Variants in MCF2L2 observed in about 807,000 individuals in gnomAD.
MCF2L2 encodes the protein MCF.2 cell line derived transforming sequence-like 2, also known as probable guanine nucleotide exchange factor MCF2L2.
Under a neutral mutation model 150.2 loss-of-function variants are expected in MCF2L2, and 102 were observed. That is an observed-to-expected ratio of 0.68 (90% CI 0.58 to 0.80). The LOEUF (loss-of-function observed/expected upper bound fraction) is 0.80. Ranked by LOEUF, MCF2L2 falls within the 30% of genes least tolerant of loss-of-function variation. The pLI, the probability that MCF2L2 is intolerant of heterozygous loss-of-function variation, is 0.00. For missense variants in MCF2L2, 1,256 were observed against 1,372.8 expected, an observed-to-expected ratio of 0.91 and a Z score of 1.34; for synonymous variants, 465 against 491.3, an observed-to-expected ratio of 0.95 and a Z score of 0.71.
In MCF2L2 at chr3:183,297,167, C is replaced by A. The variant is rs1414556303; in HGVS notation, c.1306G>T (p.Val436Phe). The A allele has an allele frequency of 1.9e-6, 3 of 1,613,476 alleles. No homozygotes were observed. Among genetic ancestry groups the A allele is most frequent in the East Asian group, 2.2e-5 (1 of 44,874 alleles). ...ATTCCTGCCTCACACCATTGGCTGA[C>A]CTTTTGGAAAGAAACAGTGCCCTGT... ...SLEFHRQLDK[V>F]SQWCEAGIYL... The change falls in exon 12 of 30, where the codon GTC becomes TTC. Residue 436 changes from valine to phenylalanine, a missense_variant and splice_region_variant. Transcript: ENST00000328913.
intron 14 of MCF2L2, among the ~76,000 whole-genome samples, chr3:183,278,195 T>A (rs185287244): frequency 0.011 from 1,500 of 134,308 alleles, 16 homozygotes; most frequent in African/African-American, 0.028. Flanking sequence ...AAAGAAAAAA[T>A]ATATATATAT....
chr3:183,242,346 C>T (rs986420522), intron 15 of MCF2L2, among the ~76,000 whole-genome samples: 1 of 152,182 alleles, frequency 6.6e-6, no homozygotes, highest in Admixed American at 6.5e-5. Flanking sequence ...TGTCAAGGAC[C>T]TTTGTGGCAA....
chr3:183,201,581 T>C lies in MCF2L2; in HGVS notation c.2884+4295A>G, dbSNP rs112099071. On this transcript the variant is annotated intron_variant, in intron 25 of 29. Transcript: ENST00000328913. ...ATCATGTCATCTGCAATTTGACAAT[T>C]TGACTTTCTCTTTTCCTAATTCAAT... Among the ~76,000 whole-genome samples the C allele has an allele frequency of 6.8e-3, 1,038 of 152,318 alleles. 12 individuals are homozygous for C. Among genetic ancestry groups the C allele is most frequent in the African/African-American group, 0.024 (985 of 41,570 alleles).
intron 3 of MCF2L2, among the ~76,000 whole-genome samples, chr3:183,355,771 C>T (rs1360932770): frequency 1.3e-5 from 2 of 151,872 alleles, no homozygotes; most frequent in Admixed American, 1.3e-4. Context: ...CGGCCATCAA[C>T]AATGCTTTTC....
chr3:183,414,493 T>C (rs1458665885), intron 1 of MCF2L2, among the ~76,000 whole-genome samples: 1 of 152,202 alleles, frequency 6.6e-6, no homozygotes, highest in Non-Finnish European at 1.5e-5. Context: ...TAAAGGTTAA[T>C]TTTTTCAATT....
intron 22 of MCF2L2, among the ~76,000 whole-genome samples, chr3:183,212,956 T>TGGGGGGGGG (rs1173392435): frequency 7.7e-4 from 3 of 3,874 alleles, no homozygotes; most frequent in Admixed American, 2.6e-3. Flanking sequence ...TGTGGGGGGG[T>TGGGGGGGGG]GGGGGGGGTG....
intron 15 of MCF2L2, among the ~76,000 whole-genome samples, chr3:183,258,682 T>C (rs1341985999): frequency 1.3e-5 from 2 of 152,124 alleles, no homozygotes; most frequent in Non-Finnish European, 1.5e-5. Context: ...AAGTCCCTTA[T>C]ATAAAATGGT....
intron 27 of MCF2L2, chr3:183,192,719 A>C (rs1721941415): frequency 2.9e-6 from 1 of 350,448 alleles, no homozygotes; most frequent in East Asian, 4.8e-5. Flanking sequence ...CAGTTGACTA[A>C]GAGTAACTAA....
intron 5 of MCF2L2, among the ~76,000 whole-genome samples, chr3:183,337,568 A>AG (rs1553783550): frequency 1.5e-4 from 23 of 151,066 alleles, no homozygotes; most frequent in African/African-American, 3.4e-4. Context: ...AAAAAAAAAA[A>AG]AAGAAGAAAA....
rs1560034915 is a variant in MCF2L2 at position 183,351,215 on chromosome 3, TA to T, written c.276-9586del. ...GTATATATATATATATATATATATA[TA>T]TATATATATATATATATATATTTAT... On this transcript the variant is annotated intron_variant, in intron 3 of 29. Coordinates refer to ENST00000328913, the MANE Select transcript of MCF2L2 (RefSeq NM_015078.4). 7.6e-3 allele frequency among the ~76,000 whole-genome samples: 683 copies of T among 90,426 alleles called. 17 individuals carry two copies. The highest frequency in any genetic ancestry group is 0.066 in the South Asian group (180 of 2,732). 59.3% of individuals were successfully genotyped at this position (90,426 alleles called of 152,430 possible).
intron 1 of MCF2L2, among the ~76,000 whole-genome samples, chr3:183,396,536 G>A (rs1330513237): frequency 6.6e-6 from 1 of 152,130 alleles, no homozygotes; most frequent in Non-Finnish European, 1.5e-5. Flanking sequence ...GACTTTAGAT[G>A]ACTGTTCTCA....
chr3:183,361,991 A>G (rs1393857285), intron 3 of MCF2L2, among the ~76,000 whole-genome samples: 2 of 152,230 alleles, frequency 1.3e-5, no homozygotes, highest in African/African-American at 4.8e-5. Context: ...GGATATATGT[A>G]TGTGAAATAT....
chr3:183,268,187 G>C lies in MCF2L2; in HGVS notation c.1862+8685C>G, dbSNP rs531745344. Among the ~76,000 whole-genome samples, 3 of 152,348 alleles carry C rather than the reference G, an allele frequency of 2.0e-5. No individual in the cohort carries two copies. In the South Asian group the frequency reaches 6.2e-4, roughly 32 times the overall value. ...GGCATATGAAATGGCAAGTGTGACT[G>C]TGCTTTCAGCCAATAATTTGGTATT... On this transcript the variant is annotated intron_variant, in intron 15 of 29. Transcript: ENST00000328913.
chr3:183,416,804 G>A (rs1412546763), intron 1 of MCF2L2, among the ~76,000 whole-genome samples: 2 of 151,980 alleles, frequency 1.3e-5, no homozygotes, highest in East Asian at 3.9e-4. Context: ...ATTGTATTAG[G>A]TATTATAAGT....
At chr3:183,326,526 A>C (rs557295967) in intron 5 of MCF2L2, among the ~76,000 whole-genome samples, 131 of 150,496 alleles carry the variant, frequency 8.7e-4, no homozygotes, top group Non-Finnish European at 1.1e-3. Flanking sequence ...ACAAAAAAAA[A>C]CCCACAAACC....
intron 22 of MCF2L2, among the ~76,000 whole-genome samples, chr3:183,212,918 T>G (rs961314551): frequency 1.5e-4 from 18 of 119,978 alleles, no homozygotes; most frequent in Non-Finnish European, 2.9e-4. Context: ...TCTCACTTAC[T>G]CCCGGCAACC....
chr3:183,189,208 T>C (rs1260517889), intron 27 of MCF2L2, among the ~76,000 whole-genome samples: 1 of 152,160 alleles, frequency 6.6e-6, no homozygotes, highest in Admixed American at 6.5e-5. Context: ...CTTCTCCATT[T>C]CCGAGCCCAT....
intron 15 of MCF2L2, among the ~76,000 whole-genome samples, chr3:183,245,434 T>C (rs1222309160): frequency 6.6e-6 from 1 of 151,954 alleles, no homozygotes; most frequent in African/African-American, 2.4e-5. Flanking sequence ...GAGCAGAGTT[T>C]GGATGGGGGC....
chr3:183,372,064 G>A (rs1377491106), intron 3 of MCF2L2: 1 of 150,728 alleles, frequency 6.6e-6, no homozygotes, highest in Non-Finnish European at 1.5e-5. Context: ...GGAATAAAAT[G>A]GGAGGCAGGT....
Sources: gnomAD v4.1 joint callset for allele counts (sites outside exome capture counted in the v4.1 genomes callset) on GRCh38, gnomAD v4.1.1 for gene constraint, MANE v1.5 for transcripts, NCBI Gene and HGNC (gene_info 2026-07-23, HGNC 2026-07-21) for gene names.